SLCO6A1: variants seen among roughly 807,000 people sequenced by gnomAD.
The protein encoded by SLCO6A1 is cancer/testis antigen 48.
SLCO6A1 carries 65 observed loss-of-function variants against 72.7 expected under a neutral mutation model. The observed-to-expected ratio is 0.89, with a 90% confidence interval of 0.73 to 1.10. The LOEUF is 1.10. Among genes scored for constraint, SLCO6A1 ranks in the 50% least tolerant of loss-of-function variants. The probability of loss-of-function intolerance (pLI) is 0.00; values close to 1 mark genes in which losing one functional copy is unlikely to be tolerated. For missense variants in SLCO6A1, 874 were observed against 872.6 expected (o/e 1.00, Z -0.02); for synonymous variants, 314 against 298.2 (o/e 1.05, Z -0.55).
Position 102,373,371 on chromosome 5 carries a change from T to A in SLCO6A1, c.2141A>T (p.Lys714Ile). ...ATCCAGTTACAAGTCAGTTTCTTCT[T>A]TTTTCTTAACTTTTGGATTCTTCAC... The part of the protein sequence containing the change: ...VTVKNPKVKK[K>I]EETDL Residue 714 changes from lysine (K) to isoleucine (I), a missense_variant, in exon 13 of 14, where the codon AAA becomes ATA. Physicochemically the swap from Lys to Ile is moderately radical, Grantham distance 102. Coordinates refer to ENST00000506729, the MANE Select transcript of SLCO6A1 (RefSeq NM_173488.5). 2 of 1,564,504 alleles carry A rather than the reference T, an allele frequency of 1.3e-6. No homozygotes were observed. Among genetic ancestry groups the A allele is most frequent in the South Asian group, 2.5e-5 (2 of 79,344 alleles).
chr5:102,457,440 A>C (rs972550261), intron 6 of SLCO6A1, among the ~76,000 whole-genome samples: 19 of 152,148 alleles, frequency 1.2e-4, no homozygotes, highest in African/African-American at 4.3e-4. Context: ...AAGTGGGCAA[A>C]GGATATGAAC....
chr5:102,492,353 C>A (rs770243984), intron 1 of SLCO6A1, among the ~76,000 whole-genome samples: 19 of 152,174 alleles, frequency 1.2e-4, no homozygotes, highest in Admixed American at 3.9e-4. Context: ...AAAAAAATGT[C>A]TTTGATGACC....
intron 6 of SLCO6A1, among the ~76,000 whole-genome samples, chr5:102,455,210 G>A (rs1026720081): frequency 6.6e-6 from 1 of 151,734 alleles, no homozygotes; most frequent in African/African-American, 2.4e-5. Context: ...AATGTGTCCA[G>A]GAAAGACCAA....
chr5:102,406,967 C>T (rs1029588469), intron 9 of SLCO6A1, among the ~76,000 whole-genome samples: 27 of 150,784 alleles, frequency 1.8e-4, no homozygotes, highest in Admixed American at 9.9e-4. Flanking sequence ...TTGTAGTCTG[C>T]GTTAAGCAGA....
chr5:102,458,912 A>G (rs1750879752), intron 5 of SLCO6A1, among the ~76,000 whole-genome samples: 1 of 152,138 alleles, frequency 6.6e-6, no homozygotes, highest in Admixed American at 6.6e-5. Flanking sequence ...GAGTTATTTG[A>G]TTTCTTTGAC....
At chr5:102,491,954 A>G (rs951918297) in intron 1 of SLCO6A1, among the ~76,000 whole-genome samples, 7 of 152,244 alleles carry the variant, frequency 4.6e-5, no homozygotes, top group Non-Finnish European at 8.8e-5. Flanking sequence ...GGGAGGCCTC[A>G]GGGAGGCCTC....
chr5:102,382,690 G>A (rs62369308), intron 12 of SLCO6A1, among the ~76,000 whole-genome samples: 30,525 of 150,898 alleles, frequency 0.2, 3,761 homozygotes, highest in South Asian at 0.29. Context: ...TCAACATACA[G>A]ATCTTTTACC....
At chr5:102,409,043 T>C (rs564646025) in intron 9 of SLCO6A1, among the ~76,000 whole-genome samples, 5 of 152,166 alleles carry the variant, frequency 3.3e-5, no homozygotes, top group African/African-American at 1.2e-4. Context: ...GAATCAGTCT[T>C]GGGGAGATCA....
intron 7 of SLCO6A1, among the ~76,000 whole-genome samples, chr5:102,424,426 A>T (rs1393499170): frequency 6.6e-6 from 1 of 152,190 alleles, no homozygotes; most frequent in Non-Finnish European, 1.5e-5. Context: ...ACAATAAAAA[A>T]TAATAAAAGG....
chr5:102,413,495 T>C (rs183471185), intron 8 of SLCO6A1, among the ~76,000 whole-genome samples: 5 of 152,316 alleles, frequency 3.3e-5, no homozygotes, highest in Non-Finnish European at 1.5e-5. Context: ...TCTGTTACTA[T>C]TCACTTGTTT....
intron 11 of SLCO6A1, 47 bp from the exon 12 acceptor site, chr5:102,388,872 T>C (rs1318041119): frequency 6.5e-7 from 1 of 1,545,340 alleles, no homozygotes; most frequent in East Asian, 2.3e-5. Flanking sequence ...AACACTATTC[T>C]CTTAAACATG....
At chr5:102,442,119 A>G (rs1191901912) in intron 6 of SLCO6A1, among the ~76,000 whole-genome samples, 1 of 152,228 alleles carries the variant, frequency 6.6e-6, no homozygotes, top group Non-Finnish European at 1.5e-5. Flanking sequence ...AATAAGAAAC[A>G]AATCTAGTTT....
At chr5:102,492,729 A>G (rs1473047624) in intron 1 of SLCO6A1, among the ~76,000 whole-genome samples, 2 of 152,228 alleles carry the variant, frequency 1.3e-5, no homozygotes, top group Non-Finnish European at 2.9e-5. Context: ...AGAGCACACC[A>G]GAAGATTATA....
chr5:102,398,917 A>G (rs973666018), intron 10 of SLCO6A1, among the ~76,000 whole-genome samples: 7 of 151,624 alleles, frequency 4.6e-5, no homozygotes, highest in African/African-American at 1.2e-4. Context: ...AGAAATTACC[A>G]TTTTCCTCTC....
chr5:102,447,987 A>G (rs1235880360), intron 6 of SLCO6A1, among the ~76,000 whole-genome samples: 1 of 152,068 alleles, frequency 6.6e-6, no homozygotes, highest in Admixed American at 6.6e-5. Flanking sequence ...AGACATTTGT[A>G]ACTTTTTTAT....
At chr5:102,386,537 G>T (rs1746428244) in intron 12 of SLCO6A1, among the ~76,000 whole-genome samples, 1 of 152,092 alleles carries the variant, frequency 6.6e-6, no homozygotes. Flanking sequence ...CAGGGGACAG[G>T]TCTGGAACTT....
chr5:102,439,347 A>G (rs1248977132), intron 6 of SLCO6A1, among the ~76,000 whole-genome samples: 6 of 152,126 alleles, frequency 3.9e-5, no homozygotes, highest in Non-Finnish European at 4.4e-5. Flanking sequence ...TATCTAATAT[A>G]CTACACAGAG....
Position 102,399,557 on chromosome 5 carries a change from C to A in SLCO6A1, c.1812G>T (p.Thr604=). The A allele has an allele frequency of 6.5e-7, 1 of 1,529,684 alleles. No individual in the cohort carries two copies. The highest frequency in any genetic ancestry group is 8.8e-7 in the Non-Finnish European group (1 of 1,134,690). 94.8% of individuals were successfully genotyped at this position (1,529,684 alleles called of 1,614,324 possible). A position where few individuals can be genotyped will look rare whatever the true frequency, so the allele number is the denominator to read the frequency against. ...FSGVPIVLAM[T]RVVPDKLRSL... Reference sequence around the variant, plus strand: ...AATAATGAGTAATATATACATACCGCGTCATGGCCAAGACGATTGGTACAC... The same window carrying A: ...AATAATGAGTAATATATACATACCGAGTCATGGCCAAGACGATTGGTACAC... Residue 604 remains threonine, a splice_region_variant and synonymous_variant, in exon 10 of 14, where the codon ACG becomes ACT. Coordinates refer to ENST00000506729, the MANE Select transcript of SLCO6A1 (RefSeq NM_173488.5).
intron 8 of SLCO6A1, among the ~76,000 whole-genome samples, chr5:102,413,799 G>C (rs1407483967): frequency 2.0e-5 from 3 of 152,086 alleles, no homozygotes; most frequent in Admixed American, 6.6e-5. Context: ...AAAAATGTTA[G>C]ACATTTTAAC....
Sources: allele counts gnomAD v4.1 joint callset (sites outside exome capture counted in the v4.1 genomes callset), GRCh38; gene constraint gnomAD v4.1.1; transcripts MANE v1.5; gene names NCBI Gene and HGNC (gene_info 2026-07-23, HGNC 2026-07-21).